PCNT: variants seen among roughly 807,000 people sequenced by gnomAD.
The protein encoded by PCNT is kendrin.
In PCNT, 319 loss-of-function variants were observed where a neutral mutation model predicts 380.4. The observed-to-expected ratio is 0.84, with a 90% CI of 0.77 to 0.92. The LOEUF (loss-of-function observed/expected upper bound fraction) is 0.92. Among genes scored for constraint, PCNT ranks in the 40% least tolerant of loss-of-function variants. The pLI, the probability that PCNT is intolerant of heterozygous loss-of-function variation, is 0.00. For synonymous variants in PCNT, 1,845 were observed against 1,735.2 expected (o/e 1.06, Z -1.57); for missense variants, 4,400 against 4,255.3 (o/e 1.03, Z -0.95).
Position 46,399,700 on chromosome 21 carries a change from A to G in PCNT, c.4695A>G (p.Lys1565=). The change falls in exon 25 of 47, where the codon AAA becomes AAG. Residue 1565 remains lysine, a synonymous_variant. Transcript: ENST00000359568. ...TGTTAATGCAGGAAGAAGAAATTAA[A>G]CGTCTGGAGGAGATGAACATCAACA... ...RQVLMQEEEI[K]RLEEMNINIR... is the part of the protein sequence containing the mutation. The G allele has an allele frequency of 6.2e-7, 1 of 1,614,024 alleles. No homozygotes were observed. Among genetic ancestry groups the G allele is most frequent in the African/African-American group, 1.3e-5 (1 of 75,056 alleles).
At chr21:46,381,933 G>A (rs2085559212) in intron 16 of PCNT, 93 bp downstream of exon 16, 7 of 1,335,854 alleles carry the variant, frequency 5.2e-6, no homozygotes, top group Non-Finnish European at 7.5e-6. Flanking sequence ...TGGCAGGAGT[G>A]CACTCATGGT....
intron 15 of PCNT, among the ~76,000 whole-genome samples, chr21:46,380,782 T>C (rs529077386): frequency 1.6e-4 from 25 of 152,332 alleles, no homozygotes; most frequent in African/African-American, 6.0e-4. Flanking sequence ...TTACCACTTT[T>C]TCTTTTATAG....
At chr21:46,339,785 C>T (rs1263953472) in intron 3 of PCNT, among the ~76,000 whole-genome samples, 2 of 152,176 alleles carry the variant, frequency 1.3e-5, no homozygotes, top group Non-Finnish European at 2.9e-5. Flanking sequence ...TTGTATCCTT[C>T]AATCCAATCA....
chr21:46,417,491 C>T (rs2087078781), intron 30 of PCNT, among the ~76,000 whole-genome samples: 2 of 152,002 alleles, frequency 1.3e-5, no homozygotes, highest in Admixed American at 1.3e-4. Flanking sequence ...CATGCTCAGC[C>T]AGAAATGCTT....
At chr21:46,400,947 T>C (rs1013947499) in intron 25 of PCNT, among the ~76,000 whole-genome samples, 1 of 152,100 alleles carries the variant, frequency 6.6e-6, no homozygotes, top group Non-Finnish European at 1.5e-5. Context: ...TGGAGCGGAG[T>C]TGTCCCCCTG....
intron 14 of PCNT, among the ~76,000 whole-genome samples, chr21:46,364,439 A>G (rs201978644): frequency 1.4e-5 from 1 of 71,828 alleles, no homozygotes; most frequent in South Asian, 4.2e-4. Flanking sequence ...GGTGGGTGTC[A>G]GGGGCGGGGA....
At chr21:46,421,587 C>A (rs1011971230) in intron 31 of PCNT, among the ~76,000 whole-genome samples, 1 of 152,242 alleles carries the variant, frequency 6.6e-6, no homozygotes, top group African/African-American at 2.4e-5. Flanking sequence ...GCCTTATCTC[C>A]GTGGCTGGCG....
chr21:46,383,879 C>T (rs564041771), intron 16 of PCNT, among the ~76,000 whole-genome samples: 4 of 142,564 alleles, frequency 2.8e-5, no homozygotes, highest in African/African-American at 7.8e-5. Flanking sequence ...AGCGCATTCA[C>T]GGTGTTGTGC....
chr21:46,343,862 C>T (rs1253480284), intron 3 of PCNT, among the ~76,000 whole-genome samples: 1 of 152,060 alleles, frequency 6.6e-6, no homozygotes, highest in Non-Finnish European at 1.5e-5. Context: ...TGTATATTTC[C>T]AGGAATTTAT....
rs375993930 is a variant in PCNT at position 46,385,930 on chromosome 21, C to T, written c.3411C>T (p.Gly1137=). 4.3e-5 allele frequency: 69 copies of T among 1,614,162 alleles called. No homozygotes were observed. In the Middle Eastern group the frequency reaches 4.9e-4, roughly 12 times the overall value. The stretch of plus-strand genomic sequence containing the variant: ...GGCGGGAGCGGGAGAACCGGGAAGG[C>T]GCAAACCTCCTCTCCATGCTCAAGG... ...QQRRERENRE[G]ANLLSMLKAD... The change falls in exon 17 of 47, where the codon GGC becomes GGT. Residue 1137 remains glycine, a synonymous_variant. Coordinates refer to ENST00000359568, the MANE Select transcript of PCNT (RefSeq NM_006031.6).
rs112312144 is a variant in PCNT, at chr21:46,349,962, G to T, written c.1344+142G>T. 8 of 857,944 alleles carry T rather than the reference G, an allele frequency of 9.3e-6. No individual in the cohort carries two copies. The African/African-American group carries it at 1.3e-4, about 14-fold the overall frequency. The allele number at this position is 857,944 out of a possible 1,614,324, so 53.1% of individuals were successfully genotyped here. ...AGACTGGCTGGGAACAGTGGTTCAC[G>T]CCTGTAACTCTATCACTTTGGGAGG... is the stretch of plus-strand genomic sequence containing the variant. On this transcript the variant is annotated intron_variant, in intron 8 of 46. Transcript: ENST00000359568.
At position 46,363,901 on chromosome 21, in the gene PCNT, A is replaced by T. The variant is rs746673141; in HGVS notation, c.2576A>T (p.Asp859Val). The change falls in exon 14 of 47, where the codon GAC (aspartate) becomes GTC (valine). Residue 859 changes from aspartate (D) to valine (V), a missense_variant. By Grantham distance (152) the Asp-to-Val change is radical (BLOSUM62 -3). Transcript: ENST00000359568. ...GELAALHVKE[D>V]CALQLMLARS... ...CTTGCTGCGCTCCACGTGAAGGAAGACTGCGCCCTGCAGCTGATGCTGGCC... is the reference window on the plus strand; with the variant it reads ...CTTGCTGCGCTCCACGTGAAGGAAGTCTGCGCCCTGCAGCTGATGCTGGCC... 2.5e-6 allele frequency: 4 copies of T among 1,610,946 alleles called. No individual in the cohort carries two copies. In the South Asian group the frequency reaches 4.4e-5, roughly 18 times the overall value.
At chr21:46,444,274 G>A (rs2053692012) in intron 45 of PCNT, among the ~76,000 whole-genome samples, 2 of 152,200 alleles carry the variant, frequency 1.3e-5, no homozygotes, top group Non-Finnish European at 2.9e-5. Flanking sequence ...AGCTCTGGGT[G>A]GAGAGGGAAA....
At chr21:46,338,607 T>G (rs2083825855) in intron 3 of PCNT, among the ~76,000 whole-genome samples, 2 of 142,786 alleles carry the variant, frequency 1.4e-5, no homozygotes, top group Admixed American at 1.4e-4. Flanking sequence ...AATGTGTCTT[T>G]TTTTTTTTTT....
Position 46,398,037 on chromosome 21 carries a change from C to T in PCNT, c.4470C>T (p.His1490=), listed in dbSNP as rs763354439. 98 of 1,591,236 alleles carry T rather than the reference C, an allele frequency of 6.2e-5. 1 individual carries two copies. The highest frequency in any genetic ancestry group is 7.9e-5 in the Non-Finnish European group (92 of 1,170,292). Residue 1490 remains histidine (H), a synonymous_variant, in exon 23 of 47, where the codon CAC becomes CAT. Transcript: ENST00000359568. ...AGGAGCAGGCAGCCGAGCGGGAGCA[C>T]GAGCGCGAGGAGTTCCAGCAGGAGA... ...FMDEQAAERE[H]EREEFQQEIQ...
In PCNT at chr21:46,326,460, C is replaced by T. The variant is rs762863150; in HGVS notation, c.138C>T (p.Val46=). The change falls in exon 2 of 47, where the codon GTC becomes GTT. Residue 46 remains valine (V), a synonymous_variant. Coordinates refer to ENST00000359568, the MANE Select transcript of PCNT (RefSeq NM_006031.6). ...CGGCGAAGAGGAAGGGCTCGGCTGT[C>T]GATGCGTCTGTCCAGGAGGAGAGTC... is the stretch of plus-strand genomic sequence containing the variant. The part of the protein sequence containing the change: ...KKTAKRKGSA[V]DASVQEESPV... The T allele has an allele frequency of 4.6e-5, 75 of 1,614,072 alleles. No individual in the cohort carries two copies. The highest frequency in any genetic ancestry group is 6.1e-5 in the Non-Finnish European group (72 of 1,180,040).
intron 38 of PCNT, 91 bp downstream of exon 38, chr21:46,432,306 T>C (rs1048417172): frequency 2.4e-6 from 3 of 1,262,172 alleles, no homozygotes; most frequent in African/African-American, 3.0e-5. Context: ...GAGATTTATG[T>C]CTGGCCCTCT....
chr21:46,415,116 C>T (rs2086971740), intron 29 of PCNT, among the ~76,000 whole-genome samples: 1 of 152,250 alleles, frequency 6.6e-6, no homozygotes, highest in Non-Finnish European at 1.5e-5. Flanking sequence ...ACGTTTCTTG[C>T]ATGAGTGCAG....
At chr21:46,390,589 A>G in intron 19 of PCNT, 81 bp from the exon 20 acceptor site, 2 of 1,466,816 alleles carry the variant, frequency 1.4e-6, no homozygotes, top group Admixed American at 3.3e-5. Flanking sequence ...GTCTGGGGGT[A>G]GAAGTGGCGT....
Sources: allele counts gnomAD v4.1 joint callset (sites outside exome capture counted in the v4.1 genomes callset), GRCh38; gene constraint gnomAD v4.1.1; transcripts MANE v1.5; gene names NCBI Gene and HGNC (gene_info 2026-07-23, HGNC 2026-07-21).